TTC39C: variants seen among roughly 807,000 people sequenced by gnomAD.
TTC39C encodes tetratricopeptide repeat protein 39C.
In TTC39C, 33 loss-of-function variants were observed where a neutral mutation model predicts 76.3. That is an observed-to-expected ratio of 0.43 (90% CI 0.33 to 0.58). The LOEUF (loss-of-function observed/expected upper bound fraction) is 0.58. TTC39C is among the 20% of genes least tolerant of loss of function. The pLI, the probability that TTC39C is intolerant of heterozygous loss-of-function variation, is 0.04. For missense variants in TTC39C, 595 were observed against 701.4 expected (o/e 0.85, Z 1.71); for synonymous variants, 254 against 260.6 (o/e 0.97, Z 0.24).
intron 1 of TTC39C, among the ~76,000 whole-genome samples, chr18:24,021,118 C>A (rs571093078): frequency 6.6e-6 from 1 of 152,028 alleles, no homozygotes; most frequent in South Asian, 2.1e-4. Flanking sequence ...GAAGAGGCTA[C>A]GAAGGACTCA....
chr18:24,057,000 A>T (rs554483040), intron 1 of TTC39C, among the ~76,000 whole-genome samples: 2 of 152,152 alleles, frequency 1.3e-5, no homozygotes, highest in South Asian at 4.2e-4. Context: ...TTAACTTTTT[A>T]TTTTGGAAAA....
chr18:24,059,689 T>C (rs1455445935), intron 1 of TTC39C, among the ~76,000 whole-genome samples: 1 of 152,222 alleles, frequency 6.6e-6, no homozygotes, highest in Non-Finnish European at 1.5e-5. Flanking sequence ...TGTGCATGTG[T>C]CTTTAGAACA....
Position 24,101,557 on chromosome 18 carries a change from CAA to C in TTC39C, c.985-12984_985-12983del, listed in dbSNP as rs11298002. On this transcript the variant is annotated intron_variant, in intron 6 of 13. Coordinates refer to ENST00000317571, the MANE Select transcript of TTC39C (RefSeq NM_001135993.2). The stretch of plus-strand genomic sequence containing the variant: ...CTGGCGACAGAGCGAGACTCCGTCT[CAA>C]AAAAAAAAAAAACATCCACATAGCA... Among the ~76,000 whole-genome samples the C allele has an allele frequency of 1.0e-3, 153 of 146,152 alleles. 1 individual carries two copies. Among genetic ancestry groups the C allele is most frequent in the Middle Eastern group, 3.6e-3 (1 of 280 alleles).
intron 7 of TTC39C, 112 bp downstream of exon 7, chr18:24,114,759 AAGAAGGAC>A (rs1460527103): frequency 1.4e-6 from 1 of 698,746 alleles, no homozygotes; most frequent in Non-Finnish European, 2.5e-6. Context: ...CTTCTGTAGT[AAGAAGGAC>A]TTCAGTTATT....
At chr18:24,088,877 G>T (rs2084481065) in intron 6 of TTC39C, among the ~76,000 whole-genome samples, 1 of 152,234 alleles carries the variant, frequency 6.6e-6, no homozygotes, top group Admixed American at 6.5e-5. Context: ...TCCCCGGCGT[G>T]CCTGTGTTCT....
rs535765595 is a variant in TTC39C, at chr18:23,993,323, T to G, written c.-17+285T>G. On this transcript the variant is annotated intron_variant, in intron 1 of 13. Transcript: ENST00000304621. ...AACAAATGCCAGATGTTAAAGCATT[T>G]GCATAGTATCCCTTGGAGGGTTGGG... Among the ~76,000 whole-genome samples the G allele has an allele frequency of 2.6e-5, 4 of 152,366 alleles. No individual in the cohort carries two copies. The East Asian group carries it at 7.7e-4, about 29-fold the overall frequency.
intron 12 of TTC39C, among the ~76,000 whole-genome samples, chr18:24,130,812 C>T (rs2085118078): frequency 6.6e-6 from 1 of 151,784 alleles, no homozygotes; most frequent in Non-Finnish European, 1.5e-5. Context: ...GTATTGAATA[C>T]TGTAGGCAAC....
intron 1 of TTC39C, among the ~76,000 whole-genome samples, chr18:24,029,177 A>G (rs954213720): frequency 6.6e-6 from 1 of 152,016 alleles, no homozygotes; most frequent in Non-Finnish European, 1.5e-5. Context: ...ATCTCAGCTC[A>G]GTGCAACCTC....
intron 2 of TTC39C, among the ~76,000 whole-genome samples, chr18:24,065,046 G>A (rs1162251779): frequency 6.6e-6 from 1 of 152,220 alleles, no homozygotes; most frequent in African/African-American, 2.4e-5. Flanking sequence ...TGATAACAAG[G>A]GCTGCGAATG....
chr18:24,063,617 A>T (rs1054994511), intron 1 of TTC39C, among the ~76,000 whole-genome samples: 5 of 151,248 alleles, frequency 3.3e-5, no homozygotes, highest in Non-Finnish European at 7.4e-5. Flanking sequence ...GATTCACGCA[A>T]TTGTCCCTGC....
chr18:24,000,156 A>G (rs2083301124), intron 1 of TTC39C, among the ~76,000 whole-genome samples: 1 of 152,142 alleles, frequency 6.6e-6, no homozygotes, highest in Non-Finnish European at 1.5e-5. Context: ...ATGTTTGTCA[A>G]CTGCTCCCCC....
chr18:24,058,976 T>C (rs934975232), intron 1 of TTC39C, among the ~76,000 whole-genome samples: 1 of 152,232 alleles, frequency 6.6e-6, no homozygotes, highest in Non-Finnish European at 1.5e-5. Flanking sequence ...TTCAGTCTTT[T>C]ACTGATTCCT....
chr18:24,064,906 C>T (rs1246149277), intron 2 of TTC39C, among the ~76,000 whole-genome samples: 1 of 152,182 alleles, frequency 6.6e-6, no homozygotes. Flanking sequence ...AGTTTTTATT[C>T]AAGGTATTTA....
At chr18:24,040,658 G>A (rs1173790774) in intron 1 of TTC39C, among the ~76,000 whole-genome samples, 1 of 152,116 alleles carries the variant, frequency 6.6e-6, no homozygotes, top group African/African-American at 2.4e-5. Context: ...GAGACTCTCG[G>A]TAAGCATACA....
intron 1 of TTC39C, among the ~76,000 whole-genome samples, chr18:24,029,262 G>A (rs562253120): frequency 2.7e-4 from 41 of 152,044 alleles, no homozygotes; most frequent in African/African-American, 8.2e-4. Flanking sequence ...ACCACCACGC[G>A]TGGCTAAGTT....
At position 24,014,880 on chromosome 18, in the gene TTC39C, C is replaced by A; in HGVS notation, c.9C>A (p.Gly3=). The A allele has an allele frequency of 2.1e-6, 3 of 1,420,350 alleles. No homozygotes were observed. Among genetic ancestry groups the A allele is most frequent in the Non-Finnish European group, 2.8e-6 (3 of 1,089,244 alleles). 88.0% of individuals were successfully genotyped at this position (1,420,350 alleles called of 1,614,324 possible). A position where few individuals can be genotyped will look rare whatever the true frequency, so the allele number is the denominator to read the frequency against. Residue 3 remains glycine (G), a synonymous_variant, in exon 1 of 14, where the codon GGC becomes GGA. Transcript: ENST00000317571. ...CAGGGCCTCGCACGCCCATGGCCGG[C>A]TCGGAGCAGCAGCGGCCGCGGCGGC... The part of the protein sequence containing the change: MA[G]SEQQRPRRRD...
chr18:24,005,702 A>T (rs1185042820), intron 1 of TTC39C, among the ~76,000 whole-genome samples: 1 of 151,900 alleles, frequency 6.6e-6, no homozygotes, highest in Non-Finnish European at 1.5e-5. Flanking sequence ...AAAATTAAAA[A>T]TAAAAATTAG....
intron 1 of TTC39C, among the ~76,000 whole-genome samples, chr18:24,021,675 C>G (rs944080393): frequency 2.7e-5 from 4 of 150,440 alleles, no homozygotes; most frequent in African/African-American, 9.8e-5. Context: ...TGGGCCTTTT[C>G]TTATGTAAAG....
At chr18:24,028,872 GC>G (rs2083630520) in intron 1 of TTC39C, among the ~76,000 whole-genome samples, 1 of 150,106 alleles carries the variant, frequency 6.7e-6, no homozygotes, top group African/African-American at 2.5e-5. Context: ...ACAGGCACAT[GC>G]CACCACGCCT....
Sources: allele counts gnomAD v4.1 joint callset (sites outside exome capture counted in the v4.1 genomes callset), GRCh38; gene constraint gnomAD v4.1.1; transcripts MANE v1.5; gene names NCBI Gene and HGNC (gene_info 2026-07-23, HGNC 2026-07-21).